Variants in GLRX5 observed in about 807,000 individuals in gnomAD.
GLRX5 encodes glutaredoxin-related protein 5, mitochondrial.
GLRX5 carries 10 observed loss-of-function variants against 13.8 expected under a neutral mutation model. That is an observed-to-expected ratio of 0.72 (90% CI 0.45 to 1.23). The LOEUF (loss-of-function observed/expected upper bound fraction) is 1.23. Among genes scored for constraint, GLRX5 ranks in the 50% most tolerant of loss-of-function variants. The probability of loss-of-function intolerance (pLI) is 0.00; values close to 1 mark genes in which losing one functional copy is unlikely to be tolerated. For synonymous variants in GLRX5, 98 were observed against 101.1 expected, an observed-to-expected ratio of 0.97 and a Z score of 0.18; for missense variants, 233 against 215.2, an observed-to-expected ratio of 1.08 and a Z score of -0.52.
intron 1 of GLRX5, among the ~76,000 whole-genome samples, chr14:95,542,431 A>G (rs917540390): frequency 1.3e-5 from 2 of 152,220 alleles, no homozygotes; most frequent in Non-Finnish European, 1.5e-5. Context: ...CTGGAGAAGG[A>G]AGATAAAGCC....
Position 95,544,196 on chromosome 14 carries a change from C to T in GLRX5, c.*71C>T. 2 of 1,419,346 alleles carry T rather than the reference C, an allele frequency of 1.4e-6. No individual in the cohort carries two copies. Among genetic ancestry groups the T allele is most frequent in the Non-Finnish European group, 9.8e-7 (1 of 1,018,962 alleles). The allele number at this position is 1,419,346 out of a possible 1,614,324, so 87.9% of individuals were successfully genotyped here. On this transcript the variant is annotated 3_prime_UTR_variant, in exon 2 of 2. Coordinates refer to ENST00000331334, the MANE Select transcript of GLRX5 (RefSeq NM_016417.3). Reference sequence around the variant, plus strand: ...GAGACTCACTGCCAGAAAAGCCTTACCCATTTTGGTTTTCACTATTGAGAC... The same window carrying T: ...GAGACTCACTGCCAGAAAAGCCTTATCCATTTTGGTTTTCACTATTGAGAC...
At chr14:95,541,723 C>T (rs1190096928) in intron 1 of GLRX5, among the ~76,000 whole-genome samples, 6 of 152,172 alleles carry the variant, frequency 3.9e-5, no homozygotes, top group African/African-American at 1.4e-4. Context: ...ATGAGGCAAG[C>T]CCAATGCTTC....
chr14:95,535,370 C>A lies in GLRX5; in HGVS notation c.281C>A (p.Pro94Gln). The change falls in exon 1 of 2, where the codon CCG (proline) becomes CAG (glutamine). Residue 94 changes from proline to glutamine, a missense_variant. Coordinates refer to ENST00000331334, the MANE Select transcript of GLRX5 (RefSeq NM_016417.3). ...GCGGCCTACAACGTGCTGGACGACC[C>A]GGAGCTCCGACAAGGTCAGGCCAGT... ...DYAAYNVLDDPELRQGIKDYS... is the reference protein window; with the variant it reads ...DYAAYNVLDDQELRQGIKDYS... 1 of 1,550,796 alleles carries A rather than the reference C, an allele frequency of 6.4e-7. No individual in the cohort carries two copies. Among genetic ancestry groups the A allele is most frequent in the Non-Finnish European group, 8.7e-7 (1 of 1,147,540 alleles).
At chr14:95,541,840 C>T (rs1891478226) in intron 1 of GLRX5, among the ~76,000 whole-genome samples, 1 of 152,122 alleles carries the variant, frequency 6.6e-6, no homozygotes, top group Non-Finnish European at 1.5e-5. Flanking sequence ...AGGCAGCAAA[C>T]ATTTCCATTT....
At chr14:95,536,389 G>A (rs143849034) in intron 1 of GLRX5, among the ~76,000 whole-genome samples, 1 of 152,204 alleles carries the variant, frequency 6.6e-6, no homozygotes, top group South Asian at 2.1e-4. Context: ...ATCCCAGTTA[G>A]AGACTTTCAG....
rs1371403436 is a variant in GLRX5 at position 95,535,117 on chromosome 14, G to C, written c.28G>C (p.Ala10Pro). The change falls in exon 1 of 2, where the codon GCG becomes CCG. Residue 10 changes from alanine (A) to proline (P), a missense_variant. By Grantham distance (27) the Ala-to-Pro change is conservative (BLOSUM62 -1). Transcript: ENST00000331334. ...GAGCGGGTCCCTCGGCCGAGCTGCG[G>C]CGGCTCTGCTCCGCTGGGGGCGCGG... MSGSLGRAA[A>P]ALLRWGRGAG... 3.1e-6 allele frequency: 4 copies of C among 1,308,462 alleles called. No homozygotes were observed. In the East Asian group the frequency reaches 1.2e-4, roughly 39 times the overall value. The allele number at this position is 1,308,462 out of a possible 1,614,324, so 81.1% of individuals were successfully genotyped here.
chr14:95,541,150 G>A (rs1193884544), intron 1 of GLRX5, among the ~76,000 whole-genome samples: 2 of 152,162 alleles, frequency 1.3e-5, no homozygotes, highest in African/African-American at 4.8e-5. Context: ...CTAATTTTCA[G>A]GAGTAGCTCT....
chr14:95,544,659 T>A lies in GLRX5; in HGVS notation c.*534T>A, dbSNP rs1891530538. 6.3e-6 allele frequency: 1 copy of A among 158,116 alleles called. No homozygotes were observed. Among genetic ancestry groups the A allele is most frequent in the Non-Finnish European group, 1.4e-5 (1 of 71,450 alleles). The allele number at this position is 158,116 out of a possible 1,614,324, so 9.8% of individuals were successfully genotyped here. A position where few individuals can be genotyped will look rare whatever the true frequency, so the allele number is the denominator to read the frequency against. ...AGGATTTGGAGTGCCTGCAGTGTTT[T>A]ATGTGTGGGAAGTAAGGGTGAGTCT... On this transcript the variant is annotated 3_prime_UTR_variant, in exon 2 of 2. Coordinates refer to ENST00000331334, the MANE Select transcript of GLRX5 (RefSeq NM_016417.3).
In GLRX5 at chr14:95,535,529, A is replaced by T. The variant is rs550394156; in HGVS notation, c.295+145A>T. ...TGAAGGTTCGAGCCGGGTTAGGGCG[A>T]GGAGTACTGCCCTGGAGTAGAGTCT... On this transcript the variant is annotated intron_variant, in intron 1 of 1. Transcript: ENST00000331334. 4.0e-6 allele frequency: 3 copies of T among 746,408 alleles called. No homozygotes were observed. In the African/African-American group the frequency reaches 5.2e-5, roughly 13 times the overall value. 46.2% of individuals were successfully genotyped at this position (746,408 alleles called of 1,614,324 possible).
In GLRX5 at chr14:95,535,149, C is replaced by A. The variant is rs2139646494; in HGVS notation, c.60C>A (p.Gly20=). ...AALLRWGRGA[G]GGGLWGPGVR... Reference sequence around the variant, plus strand: ...TGCTCCGCTGGGGGCGCGGCGCGGGCGGCGGTGGCCTTTGGGGTCCGGGCG... The same window carrying A: ...TGCTCCGCTGGGGGCGCGGCGCGGGAGGCGGTGGCCTTTGGGGTCCGGGCG... The change falls in exon 1 of 2, where the codon GGC becomes GGA. Residue 20 remains glycine, a synonymous_variant. Coordinates refer to ENST00000331334, the MANE Select transcript of GLRX5 (RefSeq NM_016417.3). 8.0e-7 allele frequency: 1 copy of A among 1,252,542 alleles called. No homozygotes were observed. 77.6% of individuals were successfully genotyped at this position (1,252,542 alleles called of 1,614,324 possible). A position where few individuals can be genotyped will look rare whatever the true frequency, so the allele number is the denominator to read the frequency against.
chr14:95,535,468 G>C, intron 1 of GLRX5, 84 bp downstream of exon 1: 1 of 1,351,306 alleles, frequency 7.4e-7, no homozygotes, highest in Middle Eastern at 2.3e-4. Flanking sequence ...CGCCGCGCCG[G>C]GCTGGGGAGC....
intron 1 of GLRX5, chr14:95,543,560 T>A: frequency 9.6e-6 from 3 of 311,386 alleles, no homozygotes; most frequent in Non-Finnish European, 1.3e-5. Flanking sequence ...ATTTTGGCCT[T>A]ATGTATCTTA....
Position 95,544,006 on chromosome 14 carries a change from G to A in GLRX5, c.355G>A (p.Val119Ile), listed in dbSNP as rs755939884. The change falls in exon 2 of 2, where the codon GTA becomes ATA. Residue 119 changes from valine to isoleucine, a missense_variant. Coordinates refer to ENST00000331334, the MANE Select transcript of GLRX5 (RefSeq NM_016417.3). ...GCAAGTGTACCTCAATGGCGAGTTT[G>A]TAGGGGGCTGTGACATTCTTCTGCA... ...IPQVYLNGEF[V>I]GGCDILLQMH... is the part of the protein sequence containing the mutation. 3 of 1,614,138 alleles carry A rather than the reference G, an allele frequency of 1.9e-6. No homozygotes were observed. The highest frequency in any genetic ancestry group is 1.7e-6 in the Non-Finnish European group (2 of 1,179,950).
At chr14:95,539,328 AG>A (rs1445439461) in intron 1 of GLRX5, among the ~76,000 whole-genome samples, 1 of 152,226 alleles carries the variant, frequency 6.6e-6, no homozygotes, top group Non-Finnish European at 1.5e-5. Context: ...AAAAACTGAC[AG>A]GAAGGGATCT....
intron 1 of GLRX5, among the ~76,000 whole-genome samples, chr14:95,541,923 C>T (rs1013351557): frequency 2.6e-5 from 4 of 152,134 alleles, no homozygotes; most frequent in Non-Finnish European, 2.9e-5. Flanking sequence ...GAAAGCTTCA[C>T]ACAATATATT....
intron 1 of GLRX5, among the ~76,000 whole-genome samples, chr14:95,540,561 A>G (rs1351613792): frequency 1.3e-5 from 2 of 152,164 alleles, no homozygotes; most frequent in African/African-American, 2.4e-5. Context: ...CTTTTCCTCT[A>G]GTGAGGGTCT....
intron 1 of GLRX5, among the ~76,000 whole-genome samples, chr14:95,536,008 G>T (rs1891370818): frequency 6.6e-6 from 1 of 152,170 alleles, no homozygotes; most frequent in South Asian, 2.1e-4. Context: ...CTATGTTGTC[G>T]GGGAAGAGTC....
chr14:95,543,089 A>C, intron 1 of GLRX5: 1 of 456,050 alleles, frequency 2.2e-6, no homozygotes, highest in Non-Finnish European at 4.4e-6. Flanking sequence ...GATCACATGC[A>C]TGCTGGTTGG....
At chr14:95,541,583 CTG>C (rs1339819603) in intron 1 of GLRX5, among the ~76,000 whole-genome samples, 1 of 152,186 alleles carries the variant, frequency 6.6e-6, no homozygotes, top group Non-Finnish European at 1.5e-5. Context: ...TTGCATGTGG[CTG>C]TGTGTGTTGG....
Sources: gnomAD v4.1 joint callset for allele counts (sites outside exome capture counted in the v4.1 genomes callset) on GRCh38, gnomAD v4.1.1 for gene constraint, MANE v1.5 for transcripts, NCBI Gene and HGNC (gene_info 2026-07-23, HGNC 2026-07-21) for gene names.